Variants in MEG3 observed in about 807,000 individuals in gnomAD.
The protein encoded by MEG3 is Very putative protein from MEG3 locus.
At chr14:100,848,017 G>A (rs2037966292) in intron 3 of MEG3, 1 of 152,152 alleles carries the variant, frequency 6.6e-6, no homozygotes, top group Non-Finnish European at 1.5e-5. Context: ...GCTTTTTGAT[G>A]CGTACAGCCA....
chr14:100,852,355 C>T (rs2038107191), upstream of MEG3: 1 of 533,256 alleles, frequency 1.9e-6, no homozygotes, highest in Non-Finnish European at 3.8e-6. Flanking sequence ...ATGGCAACAG[C>T]ATTTGGAAGG....
chr14:100,843,576 T>G lies in MEG3; in HGVS notation n.3046-1882T>G, dbSNP rs553442649. On this transcript the variant is annotated intron_variant and non_coding_transcript_variant, in intron 2 of 3. Transcript: ENST00000398461. ...TTAACCAGTTATGGCAGAACAGGGT[T>G]TATGAAGGGCAAGGCCAGGGAAGGA... Among the ~76,000 whole-genome samples the G allele has an allele frequency of 3.9e-5, 6 of 152,298 alleles. No individual in the cohort carries two copies. The East Asian group carries it at 9.6e-4, about 24-fold the overall frequency.
rs1004560156 is a variant in MEG3, at chr14:100,827,693, G to C, written n.372-1015G>C. On this transcript the variant is annotated intron_variant and non_coding_transcript_variant, in intron 1 of 2. Coordinates refer to ENST00000556407, the Ensembl canonical transcript of MEG3. Reference sequence around the variant, plus strand: ...AGGAGGGAGGCACGACTTTGGAGGCGTGATGTTGATGCCTGGGGGCGAAGG... The same window carrying C: ...AGGAGGGAGGCACGACTTTGGAGGCCTGATGTTGATGCCTGGGGGCGAAGG... Among the ~76,000 whole-genome samples the C allele has an allele frequency of 4.6e-5, 7 of 152,280 alleles. No homozygotes were observed. The South Asian group carries it at 8.3e-4, about 18-fold the overall frequency.
chr14:100,855,476 A>G (rs1297700223), upstream of MEG3: 1 of 152,218 alleles, frequency 6.6e-6, no homozygotes, highest in African/African-American at 2.4e-5. Flanking sequence ...ACTGTGACCC[A>G]GGGTCGGGGT....
At chr14:100,834,847 T>A (rs575177932) in exon 1 of MEG3, 1 of 456,212 alleles carries the variant, frequency 2.2e-6, no homozygotes, top group East Asian at 7.0e-5. Context: ...GAATTCATTT[T>A]TGAGAGGTGT....
intron 2 of MEG3, among the ~76,000 whole-genome samples, chr14:100,839,259 A>C (rs567115443): frequency 5.8e-4 from 89 of 152,234 alleles, no homozygotes; most frequent in African/African-American, 2.0e-3. Flanking sequence ...GCAGTGGAAA[A>C]GCCCTGGGTC....
chr14:100,860,337 T>A (rs1359725928), exon 1 of MEG3: 1 of 269,624 alleles, frequency 3.7e-6, no homozygotes, highest in Non-Finnish European at 7.3e-6. Flanking sequence ...GCAGAAGAGC[T>A]GGGGATAGCA....
Position 100,852,223 on chromosome 14 carries a change from G to A in MEG3, n.3121+6690G>A, listed in dbSNP as rs2038102183. The A allele has an allele frequency of 9.3e-6, 4 of 428,396 alleles. No homozygotes were observed. The Admixed American group carries it at 9.7e-5, about 10-fold the overall frequency. The allele number at this position is 428,396 out of a possible 1,614,324, so 26.5% of individuals were successfully genotyped here. A position where few individuals can be genotyped will look rare whatever the true frequency, so the allele number is the denominator to read the frequency against. On this transcript the variant is annotated intron_variant and non_coding_transcript_variant, in intron 3 of 3. Transcript: ENST00000398461. ...AGCTAGTGTGATGCTTGAGGTCTGAGCTGATGGCAGCAAAGTGGGGTGCTC... is the reference window on the plus strand; with the variant it reads ...AGCTAGTGTGATGCTTGAGGTCTGAACTGATGGCAGCAAAGTGGGGTGCTC...
chr14:100,842,339 G>C (rs549567778), intron 2 of MEG3, among the ~76,000 whole-genome samples: 2 of 152,304 alleles, frequency 1.3e-5, no homozygotes, highest in South Asian at 4.1e-4. Context: ...GAAATTCCAG[G>C]AAGAGGCGTA....
At chr14:100,840,380 C>A (rs778022583) in intron 2 of MEG3, among the ~76,000 whole-genome samples, 31 of 151,932 alleles carry the variant, frequency 2.0e-4, no homozygotes, top group Non-Finnish European at 3.8e-4. Context: ...AAGGCTCAGG[C>A]CGAGAGGAAT....
chr14:100,843,862 CAG>C (rs1367146618), intron 2 of MEG3, among the ~76,000 whole-genome samples: 1 of 111,016 alleles, frequency 9.0e-6, no homozygotes, highest in Admixed American at 1.2e-4. Flanking sequence ...TTTTTTGAGA[CAG>C]AGTCTTGTTC....
intron 3 of MEG3, chr14:100,850,123 A>T (rs1396476519): frequency 2.6e-5 from 4 of 152,248 alleles, no homozygotes; most frequent in Non-Finnish European, 5.9e-5. Flanking sequence ...GTTTTAATTA[A>T]AAAAATTAAT....
intron 3 of MEG3, chr14:100,848,121 T>A (rs576265941): frequency 6.6e-6 from 1 of 151,070 alleles, no homozygotes; most frequent in Non-Finnish European, 1.5e-5. Flanking sequence ...TGGGAAGAAA[T>A]GTAAAAAGGA....
chr14:100,827,782 G>A (rs2037284073), intron 1 of MEG3, among the ~76,000 whole-genome samples: 1 of 152,208 alleles, frequency 6.6e-6, no homozygotes, highest in Admixed American at 6.5e-5. Context: ...TCTGTCTCTC[G>A]TTCCGAGACC....
chr14:100,842,337 A>G (rs74482981), intron 2 of MEG3, among the ~76,000 whole-genome samples: 3,253 of 152,328 alleles, frequency 0.021, 49 homozygotes, highest in Non-Finnish European at 0.033. Flanking sequence ...GTGAAATTCC[A>G]GGAAGAGGCG....
rs1319641572 is a variant in MEG3 at position 100,837,573 on chromosome 14, G to A, written n.3045+1273G>A. On this transcript the variant is annotated intron_variant and non_coding_transcript_variant, in intron 2 of 3. Transcript: ENST00000398461. This position sits in a 1 kb window ranked among gnomAD's most constrained non-coding sequence, Gnocchi z 5.8. ...CACGAATGGGGTCTCTGAGAAGGAA[G>A]TGGATGAACACAGCTGCACGCTGGG... Among the ~76,000 whole-genome samples the A allele has an allele frequency of 6.6e-6, 1 of 152,140 alleles. No individual in the cohort carries two copies. The highest frequency in any genetic ancestry group is 2.4e-5 in the African/African-American group (1 of 41,420).
At chr14:100,836,557 G>C (rs1415280930) in intron 2 of MEG3, among the ~76,000 whole-genome samples, 2 of 151,748 alleles carry the variant, frequency 1.3e-5, no homozygotes, top group Non-Finnish European at 2.9e-5. Flanking sequence ...GGTGGGGAGT[G>C]TCCACCTCCA....
At chr14:100,835,337 C>G (rs1459521506) in exon 1 of MEG3, 1 of 154,544 alleles carries the variant, frequency 6.5e-6, no homozygotes, top group Non-Finnish European at 1.4e-5. Flanking sequence ...CTTCCCTTGC[C>G]GTGATGCCTT....
At chr14:100,828,107 G>A (rs967801498) in intron 1 of MEG3, among the ~76,000 whole-genome samples, 15 of 152,046 alleles carry the variant, frequency 9.9e-5, no homozygotes, top group African/African-American at 3.6e-4. Context: ...GTGGCCTGGG[G>A]TGGGCTGTGG....
Sources: gnomAD v4.1 joint callset for allele counts (sites outside exome capture counted in the v4.1 genomes callset) on GRCh38, gnomAD v4.1.1 for gene constraint, Gnocchi (gnomAD v3.1) non-coding constraint, MANE v1.5 for transcripts, NCBI Gene and HGNC (gene_info 2026-07-23, HGNC 2026-07-21) for gene names.